SHANK2: variants seen among roughly 807,000 people sequenced by gnomAD.
The protein encoded by SHANK2 is SH3 and multiple ankyrin repeat domains 2.
SHANK2 carries 43 observed loss-of-function variants against 133.7 expected under a neutral mutation model. The observed-to-expected ratio is 0.32, with a 90% CI of 0.25 to 0.41. The LOEUF (loss-of-function observed/expected upper bound fraction) is 0.41. SHANK2 is among the 10% of genes least tolerant of loss of function. The pLI, the probability that SHANK2 is intolerant of heterozygous loss-of-function variation, is 1.00. For missense variants in SHANK2, 1,994 were observed against 2,235.8 expected (o/e 0.89, Z 2.18); for synonymous variants, 1,017 against 952.8 (o/e 1.07, Z -1.24).
chr11:70,654,227 C>A (rs933466358), intron 17 of SHANK2: 3 of 152,206 alleles, frequency 2.0e-5, no homozygotes, highest in Non-Finnish European at 4.4e-5. Context: ...CAGAGCCCTG[C>A]AGCAGGCGGG....
chr11:71,136,252 T>C (rs1952436613), intron 3 of SHANK2, among the ~76,000 whole-genome samples: 2 of 151,912 alleles, frequency 1.3e-5, no homozygotes, highest in Admixed American at 1.3e-4. Context: ...AGCCTCAGGG[T>C]CCACCAAGAC....
At chr11:70,701,994 C>T (rs868911741) in intron 14 of SHANK2, among the ~76,000 whole-genome samples, 3 of 151,516 alleles carry the variant, frequency 2.0e-5, no homozygotes, top group Non-Finnish European at 1.5e-5. Flanking sequence ...CCATCATCAT[C>T]ACCACTATCA....
At chr11:71,137,233 A>G (rs188793622) in intron 3 of SHANK2, among the ~76,000 whole-genome samples, 262 of 145,114 alleles carry the variant, frequency 1.8e-3, no homozygotes, top group Non-Finnish European at 2.9e-3. Context: ...TTTTTGAAAA[A>G]AAGAAAGTTT....
intron 17 of SHANK2, among the ~76,000 whole-genome samples, chr11:70,560,925 C>A (rs2059902189): frequency 6.6e-6 from 1 of 152,130 alleles, no homozygotes; most frequent in Non-Finnish European, 1.5e-5. Flanking sequence ...CGGTGCCCGG[C>A]CCACTTACTA....
chr11:71,121,565 T>C (rs1555101485), intron 3 of SHANK2, among the ~76,000 whole-genome samples: 2 of 152,208 alleles, frequency 1.3e-5, no homozygotes, highest in Admixed American at 1.3e-4. Context: ...AGCTCTTGAG[T>C]TTAATTAGAT....
chr11:70,634,114 C>T (rs1257419859), intron 17 of SHANK2: 1 of 152,010 alleles, frequency 6.6e-6, no homozygotes, highest in South Asian at 2.1e-4. Context: ...AAGTCACCAC[C>T]GTGAAAAGAC....
intron 17 of SHANK2, among the ~76,000 whole-genome samples, chr11:70,610,052 G>A (rs1222338007): frequency 1.3e-5 from 2 of 151,582 alleles, no homozygotes; most frequent in African/African-American, 4.8e-5. Flanking sequence ...ACCAGGGAGG[G>A]GTGAGGGGAG....
rs1350071917 is a variant in SHANK2, at chr11:70,830,847, T to C, written c.1175-10165A>G. Among the ~76,000 whole-genome samples, 4 of 151,950 alleles carry C rather than the reference T, an allele frequency of 2.6e-5. No individual in the cohort carries two copies. In the East Asian group the frequency reaches 7.7e-4, roughly 29 times the overall value. On this transcript the variant is annotated intron_variant, in intron 11 of 25. Coordinates refer to ENST00000601538, the MANE Select transcript of SHANK2 (RefSeq NM_012309.5). This position sits in a 1 kb window ranked among gnomAD's most constrained non-coding sequence, Gnocchi z 4.4. ...TAAGCTGCCCAGGGCCTGGGAAGGG[T>C]CAGACATCCCTGCTGCACCCACATA...
rs78999063 is a variant in SHANK2 at position 70,656,572 on chromosome 11, C to A, written c.2061+3256G>T. Among the ~76,000 whole-genome samples the A allele has an allele frequency of 5.6e-3, 853 of 152,224 alleles. 8 individuals are homozygous for A. The highest frequency in any genetic ancestry group is 0.02 in the African/African-American group (817 of 41,536). On this transcript the variant is annotated intron_variant, in intron 17 of 25. Coordinates refer to ENST00000601538, the MANE Select transcript of SHANK2 (RefSeq NM_012309.5). ...CTGGCTGACATTTCACAATCTGGGA[C>A]GGCTTAGTGTCACTGTCTATCCTGG...
At chr11:70,509,465 C>T (rs755365579) in intron 17 of SHANK2, among the ~76,000 whole-genome samples, 4 of 152,238 alleles carry the variant, frequency 2.6e-5, no homozygotes, top group Non-Finnish European at 5.9e-5. Flanking sequence ...CAGCATGGAG[C>T]TCTGCACTCT....
At chr11:71,218,290 G>A (rs1169587772) in intron 2 of SHANK2, among the ~76,000 whole-genome samples, 1 of 84,528 alleles carries the variant, frequency 1.2e-5, no homozygotes, top group African/African-American at 4.4e-5. Flanking sequence ...TTGAGATGGA[G>A]TTTTGCTCTT....
intron 12 of SHANK2, among the ~76,000 whole-genome samples, chr11:70,816,843 C>T (rs868987076): frequency 6.6e-6 from 1 of 152,176 alleles, no homozygotes; most frequent in African/African-American, 2.4e-5. Context: ...TCTAGCCAGG[C>T]CCCCCTCCCC....
At chr11:70,659,678 CG>C in intron 17 of SHANK2, 149 bp downstream of exon 17, 1 of 937,824 alleles carries the variant, frequency 1.1e-6, no homozygotes, top group Non-Finnish European at 1.6e-6. Context: ...GTGGCACCCA[CG>C]GTGGGAGAAA....
chr11:70,698,300 C>T (rs1945440753), intron 15 of SHANK2: 1 of 258,200 alleles, frequency 3.9e-6, no homozygotes. Flanking sequence ...ACCCGAGGAC[C>T]ACAGAGAAGG....
chr11:70,511,461 T>C (rs1001827250), intron 17 of SHANK2, among the ~76,000 whole-genome samples: 1 of 152,214 alleles, frequency 6.6e-6, no homozygotes, highest in African/African-American at 2.4e-5. Flanking sequence ...TGTTTCCTCA[T>C]ATGCTCAGGT....
chr11:70,546,058 C>G (rs2059689387), intron 17 of SHANK2, among the ~76,000 whole-genome samples: 1 of 151,964 alleles, frequency 6.6e-6, no homozygotes, highest in Non-Finnish European at 1.5e-5. Flanking sequence ...AGCTTGGAAC[C>G]TCCCAAGCCT....
chr11:70,549,991 C>G (rs1554977439), intron 17 of SHANK2, among the ~76,000 whole-genome samples: 1 of 152,160 alleles, frequency 6.6e-6, no homozygotes, highest in South Asian at 2.1e-4. Flanking sequence ...TCCCCATGTG[C>G]AGGGCACTGC....
intron 17 of SHANK2, among the ~76,000 whole-genome samples, chr11:70,534,055 G>A (rs1355842724): frequency 6.6e-6 from 1 of 152,354 alleles, no homozygotes; most frequent in East Asian, 1.9e-4. Context: ...GGTGAAGGAG[G>A]AGTAAAGGCC....
At chr11:70,645,958 C>T (rs1490215130) in intron 17 of SHANK2, among the ~76,000 whole-genome samples, 2 of 152,222 alleles carry the variant, frequency 1.3e-5, no homozygotes, top group Non-Finnish European at 2.9e-5. Flanking sequence ...TCAGCTGTTC[C>T]ATGTGCAAAC....
Sources: allele counts gnomAD v4.1 joint callset (sites outside exome capture counted in the v4.1 genomes callset), GRCh38; gene constraint gnomAD v4.1.1; non-coding constraint Gnocchi (gnomAD v3.1); transcripts MANE v1.5; gene names NCBI Gene and HGNC (gene_info 2026-07-23, HGNC 2026-07-21).